Variants in RAB38 observed in about 807,000 individuals in gnomAD.
The protein encoded by RAB38 is ras-related protein Rab-38.
In RAB38, 15 loss-of-function variants were observed where a neutral mutation model predicts 18.4. That is an observed-to-expected ratio of 0.82 (90% CI 0.55 to 1.26). The LOEUF is 1.26. Ranked by LOEUF, RAB38 falls within the 50% of genes most tolerant of loss-of-function variation. The pLI is 0.00. For missense variants in RAB38, 294 were observed against 267.4 expected (o/e 1.10, Z -0.69); for synonymous variants, 101 against 104.4 (o/e 0.97, Z 0.20).
chr11:88,125,382 C>A (rs1942682737), intron 2 of RAB38, among the ~76,000 whole-genome samples: 2 of 152,118 alleles, frequency 1.3e-5, no homozygotes, highest in Admixed American at 1.3e-4. Context: ...GATCCCCTGC[C>A]CCTCCAGAAC....
intron 2 of RAB38, among the ~76,000 whole-genome samples, chr11:88,141,409 C>T (rs1029377888): frequency 6.6e-6 from 1 of 152,178 alleles, no homozygotes; most frequent in African/African-American, 2.4e-5. Context: ...CTCCCAATCC[C>T]AGCTAAGAAT....
chr11:87,811,150 C>A, the RAB38 span, among the ~76,000 whole-genome samples: 1 of 152,180 alleles, frequency 6.6e-6, no homozygotes, highest in South Asian at 2.1e-4. Flanking sequence ...GAACTGAGCA[C>A]ACGCAGCGTG....
the RAB38 span, among the ~76,000 whole-genome samples, chr11:88,031,252 A>G: frequency 6.6e-6 from 1 of 152,094 alleles, no homozygotes; most frequent in Non-Finnish European, 1.5e-5. Flanking sequence ...GCTATCTATG[A>G]CAAACCCACA....
At chr11:88,036,744 A>G in the RAB38 span, among the ~76,000 whole-genome samples, 2,477 of 152,134 alleles carry the variant, frequency 0.016, 57 homozygotes, top group African/African-American at 0.055. Context: ...TTACTTGAGA[A>G]CTATTAATAT....
chr11:87,969,736 G>A, the RAB38 span, among the ~76,000 whole-genome samples: 2 of 152,118 alleles, frequency 1.3e-5, no homozygotes, highest in African/African-American at 2.4e-5. Context: ...TACTTTCTGT[G>A]TTTGGTTTTC....
chr11:87,910,173 T>C, the RAB38 span, among the ~76,000 whole-genome samples: 9 of 151,348 alleles, frequency 5.9e-5, no homozygotes, highest in Admixed American at 5.9e-4. Context: ...ATGTTGAGCA[T>C]GGTATCTTAC....
chr11:87,903,404 G>A, the RAB38 span, among the ~76,000 whole-genome samples: 1 of 151,326 alleles, frequency 6.6e-6, no homozygotes, highest in Non-Finnish European at 1.5e-5. Flanking sequence ...CAATATTGGG[G>A]AAAACCTGAT....
rs537347136 is a variant in RAB38, at chr11:88,121,971, G to A, written c.484-7831C>T. The stretch of plus-strand genomic sequence containing the variant: ...CTTCTTTCTAAATCGCAAAAGTTAC[G>A]AACAAACAGTCCACAATGTGTTACA... On this transcript the variant is annotated intron_variant, in intron 2 of 2. Transcript: ENST00000243662. 9.9e-5 allele frequency among the ~76,000 whole-genome samples: 15 copies of A among 152,256 alleles called. No individual in the cohort carries two copies. The East Asian group carries it at 2.1e-3, about 22-fold the overall frequency.
At chr11:88,098,633 A>G in the RAB38 span, 2 of 151,948 alleles carry the variant, frequency 1.3e-5, no homozygotes, top group Admixed American at 6.6e-5. Context: ...TAACTTTTTG[A>G]AAGAATGTGT....
the RAB38 span, among the ~76,000 whole-genome samples, chr11:87,971,090 C>T: frequency 3.3e-5 from 5 of 152,150 alleles, no homozygotes; most frequent in African/African-American, 7.2e-5. Context: ...CAGCGTTGCA[C>T]GGTTCTTCAA....
the RAB38 span, among the ~76,000 whole-genome samples, chr11:87,963,148 C>T: frequency 1.3e-5 from 2 of 152,216 alleles, no homozygotes; most frequent in South Asian, 4.1e-4. Flanking sequence ...AAAACTGTAA[C>T]AGTATATTAA....
the RAB38 span, among the ~76,000 whole-genome samples, chr11:87,910,140 G>T: frequency 2.6e-5 from 4 of 151,820 alleles, no homozygotes; most frequent in African/African-American, 9.6e-5. Flanking sequence ...TAGTTTCAAT[G>T]TTAATTTTTC....
the RAB38 span, among the ~76,000 whole-genome samples, chr11:87,854,800 C>T: frequency 2.0e-5 from 3 of 151,742 alleles, no homozygotes; most frequent in Admixed American, 6.6e-5. Flanking sequence ...TTTATGATTC[C>T]TTTTTCTTTT....
chr11:88,154,381 T>A (rs2134834029), intron 1 of RAB38, among the ~76,000 whole-genome samples: 1 of 152,262 alleles, frequency 6.6e-6, no homozygotes, highest in East Asian at 1.9e-4. Flanking sequence ...AGAAGTGTGT[T>A]CTCCTCTGTC....
the RAB38 span, among the ~76,000 whole-genome samples, chr11:88,053,188 CACACATATATATGGAATATATATAT>C: frequency 3.0e-4 from 31 of 104,994 alleles, no homozygotes; most frequent in African/African-American, 5.4e-4. Flanking sequence ...TATATATATA[CACACATATATATGGAATATATATAT>C]ACACACATAT....
the RAB38 span, among the ~76,000 whole-genome samples, chr11:87,920,962 C>G: frequency 6.6e-6 from 1 of 151,976 alleles, no homozygotes; most frequent in Non-Finnish European, 1.5e-5. Flanking sequence ...GCTCGCAGTT[C>G]TGGTGGCTGT....
At chr11:88,003,948 G>GAT in the RAB38 span, among the ~76,000 whole-genome samples, 24 of 116,026 alleles carry the variant, frequency 2.1e-4, no homozygotes, top group Admixed American at 5.2e-4. Context: ...TATATAGAGA[G>GAT]ATATATATAT....
chr11:87,916,856 T>C, the RAB38 span, among the ~76,000 whole-genome samples: 1 of 152,184 alleles, frequency 6.6e-6, no homozygotes, highest in Non-Finnish European at 1.5e-5. Context: ...ATTTATTGTA[T>C]GCAGCATGAT....
chr11:88,153,465 C>T (rs1330378889), intron 1 of RAB38, among the ~76,000 whole-genome samples: 1 of 152,194 alleles, frequency 6.6e-6, no homozygotes, highest in Non-Finnish European at 1.5e-5. Flanking sequence ...CAGAGGTAGC[C>T]CTTGGCTCTG....
Sources: allele counts gnomAD v4.1 joint callset (sites outside exome capture counted in the v4.1 genomes callset), GRCh38; gene constraint gnomAD v4.1.1; transcripts MANE v1.5; gene names NCBI Gene and HGNC (gene_info 2026-07-23, HGNC 2026-07-21).